Variants in OR3A2 observed in about 807,000 individuals in gnomAD.
The protein encoded by OR3A2 is olfactory receptor family 3 subfamily A member 2.
For synonymous variants in OR3A2, 126 were observed against 159.3 expected, an observed-to-expected ratio of 0.79 and a Z score of 1.57; for missense variants, 318 against 392.8, an observed-to-expected ratio of 0.81 and a Z score of 1.61.
intron 2 of OR3A2, among the ~76,000 whole-genome samples, chr17:3,361,994 C>G (rs2049521310): frequency 6.6e-6 from 1 of 151,664 alleles, no homozygotes; most frequent in Non-Finnish European, 1.5e-5. Context: ...AGGAATGGTA[C>G]CAGCTCTTCC....
intron 3 of OR3A2, among the ~76,000 whole-genome samples, chr17:3,301,050 C>T (rs1204740943): frequency 6.6e-6 from 1 of 152,192 alleles, no homozygotes; most frequent in Non-Finnish European, 1.5e-5. Context: ...CATAGTATTT[C>T]ATGGTGTATA....
intron 2 of OR3A2, among the ~76,000 whole-genome samples, chr17:3,364,935 A>AATT (rs2049550396): frequency 6.6e-6 from 1 of 152,212 alleles, no homozygotes; most frequent in Non-Finnish European, 1.5e-5. Flanking sequence ...AAAAGCAATT[A>AATT]ATTACAGGTC....
intron 3 of OR3A2, among the ~76,000 whole-genome samples, chr17:3,306,895 A>AC (rs2049004493): frequency 6.6e-6 from 1 of 152,252 alleles, no homozygotes; most frequent in African/African-American, 2.4e-5. Context: ...ATAGAGTCAA[A>AC]CATAAGTGAG....
intron 3 of OR3A2, chr17:3,312,043 G>C (rs148167637): frequency 6.5e-6 from 1 of 153,432 alleles, no homozygotes; most frequent in East Asian, 1.9e-4. Flanking sequence ...GTCATAAAAT[G>C]GGAGGAAAGT....
At chr17:3,328,750 G>C (rs1215961751) in intron 3 of OR3A2, among the ~76,000 whole-genome samples, 6 of 109,582 alleles carry the variant, frequency 5.5e-5, no homozygotes, top group African/African-American at 9.4e-5. Flanking sequence ...CTAATTTATT[G>C]AGAGTTTTTA....
chr17:3,341,348 C>A (rs138814856), intron 2 of OR3A2, among the ~76,000 whole-genome samples: 20,939 of 152,158 alleles, frequency 0.14, 1,775 homozygotes, highest in African/African-American at 0.24. Flanking sequence ...GATGCAGTTT[C>A]TTCCTAGCAT....
chr17:3,372,852 AGGG>A lies in OR3A2; in HGVS notation c.-179+10949_-179+10951del, dbSNP rs1251139003. On this transcript the variant is annotated intron_variant, in intron 2 of 4. Transcript: ENST00000573491. ...GGAGAGGGAGGAGAAGGAGAAGGAGAGGGAGAGGGAGAGGGAGAGGGAGAGGGA... is the reference window on the plus strand; with the variant it reads ...GGAGAGGGAGGAGAAGGAGAAGGAGAAGAGGGAGAGGGAGAGGGAGAGGGA... Among the ~76,000 whole-genome samples the A allele has an allele frequency of 5.7e-4, 5 of 8,710 alleles. No homozygotes were observed. In the East Asian group the frequency reaches 0.056, roughly 97 times the overall value. 5.7% of individuals were successfully genotyped at this position (8,710 alleles called of 152,430 possible).
chr17:3,292,697 C>A, intron 3 of OR3A2: 1 of 891,192 alleles, frequency 1.1e-6, no homozygotes, highest in Non-Finnish European at 1.7e-6. Context: ...GCCACGTTCC[C>A]TCTGTACAAG....
chr17:3,371,943 C>T (rs545849805), intron 2 of OR3A2, among the ~76,000 whole-genome samples: 7 of 149,042 alleles, frequency 4.7e-5, no homozygotes, highest in East Asian at 4.2e-4. Context: ...ACCTCCCTCC[C>T]GGACGGGGTG....
chr17:3,363,930 A>C (rs1475720911), intron 2 of OR3A2, among the ~76,000 whole-genome samples: 1 of 152,164 alleles, frequency 6.6e-6, no homozygotes, highest in Non-Finnish European at 1.5e-5. Context: ...ATCTCATGAG[A>C]ACTCACTCAA....
intron 2 of OR3A2, among the ~76,000 whole-genome samples, chr17:3,340,953 A>G (rs149970531): frequency 0.011 from 1,718 of 152,232 alleles, 13 homozygotes; most frequent in Middle Eastern, 0.024. Context: ...GTGCTCCTGT[A>G]TTGGGTGCAT....
chr17:3,330,804 T>G (rs1333955715), intron 3 of OR3A2, among the ~76,000 whole-genome samples: 1 of 152,118 alleles, frequency 6.6e-6, no homozygotes, highest in African/African-American at 2.4e-5. Context: ...TTTCTTCCTA[T>G]TCTCGATGGT....
chr17:3,342,683 A>C (rs2049329470), intron 2 of OR3A2, among the ~76,000 whole-genome samples: 2 of 152,112 alleles, frequency 1.3e-5, no homozygotes, highest in Non-Finnish European at 2.9e-5. Context: ...TGGCTGTATG[A>C]GGTGTCAGTC....
intron 3 of OR3A2, among the ~76,000 whole-genome samples, chr17:3,289,883 G>C (rs1028940820): frequency 2.6e-5 from 4 of 152,086 alleles, no homozygotes. Context: ...TCAGAAAAAG[G>C]CATCTTTTTC....
intron 2 of OR3A2, among the ~76,000 whole-genome samples, chr17:3,353,647 T>C (rs1199368142): frequency 6.6e-6 from 1 of 151,886 alleles, no homozygotes; most frequent in East Asian, 1.9e-4. Flanking sequence ...GTTGATATGA[T>C]GCATCACATT....
chr17:3,329,690 G>T (rs1340823158), intron 3 of OR3A2, among the ~76,000 whole-genome samples: 2 of 137,768 alleles, frequency 1.5e-5, no homozygotes, highest in Non-Finnish European at 3.1e-5. Flanking sequence ...TTTTTGAAGG[G>T]TTTTTTGTGT....
intron 3 of OR3A2, among the ~76,000 whole-genome samples, chr17:3,307,791 T>TCA (rs1704293739): frequency 6.6e-6 from 1 of 152,086 alleles, no homozygotes; most frequent in Non-Finnish European, 1.5e-5. Context: ...AGAACACTGA[T>TCA]CCAGGGATGA....
At chr17:3,297,516 T>G (rs1023923084) in intron 3 of OR3A2, among the ~76,000 whole-genome samples, 6 of 151,912 alleles carry the variant, frequency 3.9e-5, no homozygotes, top group Non-Finnish European at 7.3e-5. Flanking sequence ...AAGGTTTTCC[T>G]GGTCCTGCCC....
chr17:3,299,784 C>T (rs1195147027), intron 3 of OR3A2, among the ~76,000 whole-genome samples: 1 of 152,198 alleles, frequency 6.6e-6, no homozygotes, highest in African/African-American at 2.4e-5. Flanking sequence ...TGCTCAGCAA[C>T]TCTGGCCTTC....
Sources: gnomAD v4.1 joint callset for allele counts (sites outside exome capture counted in the v4.1 genomes callset) on GRCh38, gnomAD v4.1.1 for gene constraint, MANE v1.5 for transcripts, NCBI Gene and HGNC (gene_info 2026-07-23, HGNC 2026-07-21) for gene names.